MYT1L: variants seen among roughly 807,000 people sequenced by gnomAD.
MYT1L encodes the protein myelin transcription factor 1 like.
In MYT1L, 12 loss-of-function variants were observed where a neutral mutation model predicts 126.7. The ratio of observed to expected loss-of-function variants is 0.09; its 90% CI spans 0.06 to 0.15. The LOEUF (loss-of-function observed/expected upper bound fraction) is 0.15, where lower values mean the gene tolerates loss of function less well. Ranked by LOEUF, MYT1L falls within the 10% of genes least tolerant of loss-of-function variation. The pLI, the probability that MYT1L is intolerant of heterozygous loss-of-function variation, is 1.00. For missense variants in MYT1L, 979 were observed against 1,585.2 expected (o/e 0.62, Z 6.49); for synonymous variants, 541 against 604.2 (o/e 0.90, Z 1.53).
chr2:2,292,313 G>A (rs1353987264), intron 1 of MYT1L, among the ~76,000 whole-genome samples: 1 of 152,142 alleles, frequency 6.6e-6, no homozygotes, highest in Non-Finnish European at 1.5e-5. Context: ...TCCTTGGTTT[G>A]GGATAGCAAT....
At chr2:2,175,222 C>A (rs1053794671) in intron 2 of MYT1L, among the ~76,000 whole-genome samples, 1 of 152,124 alleles carries the variant, frequency 6.6e-6, no homozygotes. Flanking sequence ...GTGCCCACCA[C>A]CCCTGTGGGA....
At chr2:1,877,712 C>G (rs2047088457) in intron 18 of MYT1L, among the ~76,000 whole-genome samples, 2 of 152,064 alleles carry the variant, frequency 1.3e-5, no homozygotes, top group East Asian at 3.9e-4. Context: ...TGGCTGTGAG[C>G]AGTTCTGCTG....
At chr2:1,993,005 G>C (rs1171874728) in intron 5 of MYT1L, among the ~76,000 whole-genome samples, 3 of 152,124 alleles carry the variant, frequency 2.0e-5, no homozygotes, top group Non-Finnish European at 4.4e-5. Flanking sequence ...CAAGAAGACA[G>C]CTCCACCTCC....
At chr2:2,054,409 A>G (rs2069218790) in intron 3 of MYT1L, among the ~76,000 whole-genome samples, 1 of 151,998 alleles carries the variant, frequency 6.6e-6, no homozygotes, top group Non-Finnish European at 1.5e-5. Context: ...CATAAGACAC[A>G]TGGGGATGAT....
At chr2:1,958,321 A>C (rs1452459918) in intron 8 of MYT1L, among the ~76,000 whole-genome samples, 1 of 151,600 alleles carries the variant, frequency 6.6e-6, no homozygotes, top group Non-Finnish European at 1.5e-5. Flanking sequence ...TGGAACCCAG[A>C]GAACCAGAGG....
At chr2:1,930,391 T>C (rs59907143) in intron 9 of MYT1L, among the ~76,000 whole-genome samples, 17,081 of 152,286 alleles carry the variant, frequency 0.11, 1,097 homozygotes, top group East Asian at 0.32. Flanking sequence ...TTTGCCTCTT[T>C]TGCTCAATAA....
intron 5 of MYT1L, among the ~76,000 whole-genome samples, chr2:1,983,991 A>G (rs958968868): frequency 2.0e-5 from 3 of 152,192 alleles, no homozygotes; most frequent in African/African-American, 4.8e-5. Flanking sequence ...AAGATTTAAA[A>G]TTTGTTTTAT....
At chr2:1,861,585 C>T (rs917253120) in intron 18 of MYT1L, among the ~76,000 whole-genome samples, 16 of 150,132 alleles carry the variant, frequency 1.1e-4, no homozygotes, top group African/African-American at 3.4e-4. Context: ...GTGTTAAAGA[C>T]GCTGTGCTCT....
intron 1 of MYT1L, among the ~76,000 whole-genome samples, chr2:2,309,849 A>G (rs1248151831): frequency 1.3e-5 from 2 of 151,480 alleles, no homozygotes; most frequent in Non-Finnish European, 2.9e-5. Context: ...CCTATGCTTT[A>G]CTGCTCTCTA....
chr2:2,097,178 T>C (rs527433905), intron 3 of MYT1L, among the ~76,000 whole-genome samples: 38 of 152,268 alleles, frequency 2.5e-4, no homozygotes, highest in Non-Finnish European at 5.1e-4. Context: ...TCCGTGGGAC[T>C]CCCAGGTGAC....
At chr2:2,113,694 T>C (rs1017759479) in intron 3 of MYT1L, among the ~76,000 whole-genome samples, 2 of 152,212 alleles carry the variant, frequency 1.3e-5, no homozygotes, top group Non-Finnish European at 2.9e-5. Flanking sequence ...TCATTTAACC[T>C]TCAAAAAGTT....
chr2:1,809,249 G>A (rs1201320744), intron 21 of MYT1L, 82 bp from the exon 22 acceptor site: 1 of 1,326,060 alleles, frequency 7.5e-7, no homozygotes, highest in Non-Finnish European at 1.1e-6. Flanking sequence ...GCAAGGCGTA[G>A]AATAGCATTA....
intron 3 of MYT1L, among the ~76,000 whole-genome samples, chr2:2,138,360 C>T (rs1259894738): frequency 3.9e-4 from 56 of 144,608 alleles, no homozygotes; most frequent in African/African-American, 1.2e-3. Flanking sequence ...ACCCAAAGGA[C>T]TATAAATCAT....
chr2:1,789,809 A>G lies in MYT1L; in HGVS notation c.*2058T>C, dbSNP rs2031723016. The G allele has an allele frequency of 6.6e-6, 1 of 152,214 alleles. No individual in the cohort carries two copies. Among genetic ancestry groups the G allele is most frequent in the South Asian group, 2.1e-4 (1 of 4,824 alleles). The allele number at this position is 152,214 out of a possible 1,614,324, so 9.4% of individuals were successfully genotyped here. On this transcript the variant is annotated 3_prime_UTR_variant, in exon 25 of 25. Transcript: ENST00000647738. Reference sequence around the variant, plus strand: ...TCTGAGCATGGCAGCTGCAACCAATAGCACAACAGAAAGGGGGCGCTGTAC... The same window carrying G: ...TCTGAGCATGGCAGCTGCAACCAATGGCACAACAGAAAGGGGGCGCTGTAC...
intron 22 of MYT1L, among the ~76,000 whole-genome samples, chr2:1,803,006 G>A (rs11893101): frequency 0.049 from 7,418 of 152,188 alleles, 266 homozygotes; most frequent in East Asian, 0.15. Flanking sequence ...ACCAGAGGCC[G>A]AGGCCTGAGA....
chr2:1,881,237 C>T (rs781035558), intron 18 of MYT1L, among the ~76,000 whole-genome samples: 43 of 152,078 alleles, frequency 2.8e-4, no homozygotes, highest in South Asian at 8.3e-4. Flanking sequence ...CTGCTGGGCT[C>T]GCCCTGACAG....
intron 3 of MYT1L, among the ~76,000 whole-genome samples, chr2:2,171,101 T>C (rs769046023): frequency 2.6e-5 from 4 of 152,152 alleles, no homozygotes; most frequent in Non-Finnish European, 4.4e-5. Flanking sequence ...CCACTGAGGA[T>C]GGCAGTCTCC....
chr2:1,934,220 C>T (rs565288799), intron 9 of MYT1L, among the ~76,000 whole-genome samples: 35 of 150,858 alleles, frequency 2.3e-4, no homozygotes, highest in African/African-American at 2.9e-4. Flanking sequence ...GTGATCCTCC[C>T]GCCTTGGCCT....
intron 8 of MYT1L, among the ~76,000 whole-genome samples, chr2:1,948,249 G>A (rs79578483): frequency 0.017 from 2,643 of 152,286 alleles, 63 homozygotes; most frequent in South Asian, 0.099. Context: ...CAAACTTCCA[G>A]TGCTTCCTGC....
Sources: allele counts gnomAD v4.1 joint callset (sites outside exome capture counted in the v4.1 genomes callset), GRCh38; gene constraint gnomAD v4.1.1; transcripts MANE v1.5; gene names NCBI Gene and HGNC (gene_info 2026-07-23, HGNC 2026-07-21).